DZANK1: variants seen among roughly 807,000 people sequenced by gnomAD.
DZANK1 encodes the protein double zinc ribbon and ankyrin repeat-containing protein 1.
Under a neutral mutation model 94.5 loss-of-function variants are expected in DZANK1, and 91 were observed. The observed-to-expected ratio is 0.96, with a 90% confidence interval of 0.81 to 1.15. The LOEUF is 1.15. Among genes scored for constraint, DZANK1 ranks in the 50% most tolerant of loss-of-function variants. The pLI is 0.00. For missense variants in DZANK1, 903 were observed against 916.4 expected (o/e 0.99, Z 0.19); for synonymous variants, 312 against 325.3 (o/e 0.96, Z 0.44).
At chr20:18,424,016 A>G (rs1487812971) in intron 10 of DZANK1, among the ~76,000 whole-genome samples, 1 of 152,202 alleles carries the variant, frequency 6.6e-6, no homozygotes, top group Non-Finnish European at 1.5e-5. Flanking sequence ...TCTTGAAAAG[A>G]TCAATAAAAT....
chr20:18,412,676 G>A, exon 13 of DZANK1: 2 of 1,613,076 alleles, frequency 1.2e-6, no homozygotes, highest in Non-Finnish European at 1.7e-6. Context: ...GTCAGGAGGG[G>A]TTTATGGTCA....
chr20:18,403,060 AG>A (rs974918876), intron 13 of DZANK1, among the ~76,000 whole-genome samples: 1 of 152,174 alleles, frequency 6.6e-6, no homozygotes, highest in Non-Finnish European at 1.5e-5. Flanking sequence ...GAGTTCCCAA[AG>A]GGGTGTAGTA....
At chr20:18,424,188 G>A (rs1177405996) in intron 10 of DZANK1, among the ~76,000 whole-genome samples, 1 of 152,210 alleles carries the variant, frequency 6.6e-6, no homozygotes, top group Non-Finnish European at 1.5e-5. Context: ...GGTGGCTCAT[G>A]CCTGTAATCC....
chr20:18,430,408 G>A (rs1161359798), intron 9 of DZANK1, among the ~76,000 whole-genome samples: 2 of 152,186 alleles, frequency 1.3e-5, no homozygotes, highest in Non-Finnish European at 2.9e-5. Flanking sequence ...GAGGTATATT[G>A]CATGTTGCTC....
chr20:18,452,820 C>A (rs1361947823), intron 5 of DZANK1, 81 bp from the exon 6 acceptor site: 16 of 1,385,282 alleles, frequency 1.2e-5, no homozygotes, highest in Admixed American at 8.4e-5. Flanking sequence ...CAGCGGGAGA[C>A]CTTTTAATAA....
chr20:18,407,817 C>A (rs565421461), intron 13 of DZANK1, among the ~76,000 whole-genome samples: 29 of 152,240 alleles, frequency 1.9e-4, no homozygotes, highest in Admixed American at 1.8e-3. Context: ...GATAGCAGAA[C>A]TGATTAAGCA....
At chr20:18,418,114 A>G (rs2057586024) in intron 10 of DZANK1, among the ~76,000 whole-genome samples, 1 of 152,090 alleles carries the variant, frequency 6.6e-6, no homozygotes, top group South Asian at 2.1e-4. Context: ...ATAATACATG[A>G]AGGCAGTAGA....
chr20:18,461,703 G>C (rs777934423), intron 2 of DZANK1, among the ~76,000 whole-genome samples: 1 of 151,344 alleles, frequency 6.6e-6, no homozygotes, highest in Non-Finnish European at 1.5e-5. Flanking sequence ...GAGTTCAAGC[G>C]ATTCTCCTGC....
chr20:18,424,701 C>T (rs868062567), intron 10 of DZANK1, among the ~76,000 whole-genome samples: 1 of 152,146 alleles, frequency 6.6e-6, no homozygotes, highest in Non-Finnish European at 1.5e-5. Flanking sequence ...ACCCAGCAAT[C>T]CTACTCCTAG....
At chr20:18,449,135 GT>G in intron 6 of DZANK1, 66 bp from the exon 7 acceptor site, 1 of 1,327,878 alleles carries the variant, frequency 7.5e-7, no homozygotes, top group Non-Finnish European at 1.1e-6. Context: ...AAAGGCTATG[GT>G]ATAGTAAAAT....
intron 14 of DZANK1, among the ~76,000 whole-genome samples, chr20:18,397,586 C>T (rs757151608): frequency 7.9e-5 from 12 of 152,138 alleles, no homozygotes; most frequent in Non-Finnish European, 1.5e-4. Flanking sequence ...AAAAACCACC[C>T]CAAACTTAGT....
chr20:18,424,119 A>C (rs1005641519), intron 10 of DZANK1, among the ~76,000 whole-genome samples: 1 of 152,212 alleles, frequency 6.6e-6, no homozygotes, highest in Non-Finnish European at 1.5e-5. Flanking sequence ...TCCTACATAC[A>C]TTAAAATGGT....
chr20:18,384,932 C>G, intron 20 of DZANK1, 84 bp downstream of exon 20: 2 of 1,351,584 alleles, frequency 1.5e-6, no homozygotes, highest in South Asian at 2.6e-5. Context: ...GTTCAGGAAC[C>G]AAGGCCCCTC....
At chr20:18,414,751 C>T (rs1451721478) in intron 11 of DZANK1, among the ~76,000 whole-genome samples, 1 of 152,136 alleles carries the variant, frequency 6.6e-6, no homozygotes, top group Non-Finnish European at 1.5e-5. Flanking sequence ...TAGGGATGGT[C>T]TAAATATAAC....
At chr20:18,404,107 T>A (rs1031590295) in intron 13 of DZANK1, among the ~76,000 whole-genome samples, 58 of 151,964 alleles carry the variant, frequency 3.8e-4, no homozygotes, top group Non-Finnish European at 2.9e-5. Flanking sequence ...TCTTAAACTT[T>A]CTTAGAACAT....
At chr20:18,452,821 CT>C (rs1468222127) in intron 5 of DZANK1, 82 bp from the exon 6 acceptor site, 2 of 1,383,178 alleles carry the variant, frequency 1.4e-6, no homozygotes, top group Non-Finnish European at 1.9e-6. Context: ...AGCGGGAGAC[CT>C]TTTAATAAAG....
At chr20:18,427,005 A>G in intron 10 of DZANK1, 62 bp downstream of exon 10, 2 of 1,253,608 alleles carry the variant, frequency 1.6e-6, no homozygotes, top group South Asian at 1.5e-5. Flanking sequence ...CTGTTTCTCT[A>G]TTATCATTAA....
intron 13 of DZANK1, among the ~76,000 whole-genome samples, chr20:18,405,420 G>C (rs565194656): frequency 6.6e-6 from 1 of 151,902 alleles, no homozygotes; most frequent in Non-Finnish European, 1.5e-5. Context: ...AAAAAAGAGA[G>C]AAAAAGGAAT....
intron 13 of DZANK1, among the ~76,000 whole-genome samples, chr20:18,409,500 C>CT (rs1679159441): frequency 6.6e-6 from 1 of 150,754 alleles, no homozygotes; most frequent in African/African-American, 2.4e-5. Context: ...TATAAGAATA[C>CT]TTATGAAGTT....
Sources: gnomAD v4.1 joint callset for allele counts (sites outside exome capture counted in the v4.1 genomes callset) on GRCh38, gnomAD v4.1.1 for gene constraint, MANE v1.5 for transcripts, NCBI Gene and HGNC (gene_info 2026-07-23, HGNC 2026-07-21) for gene names.